KCND2: variants seen among roughly 807,000 people sequenced by gnomAD.
The protein encoded by KCND2 is A-type voltage-gated potassium channel KCND2.
In KCND2, 16 loss-of-function variants were observed where a neutral mutation model predicts 54.4. That is an observed-to-expected ratio of 0.29 (90% CI 0.20 to 0.45). The LOEUF (loss-of-function observed/expected upper bound fraction) is 0.45. KCND2 is among the 20% of genes least tolerant of loss of function. KCND2 has a pLI of 1.00. For synonymous variants in KCND2, 317 were observed against 310.7 expected (o/e 1.02, Z -0.21); for missense variants, 486 against 824.2 (o/e 0.59, Z 5.02).
chr7:120,608,238 T>C lies in KCND2; in HGVS notation c.1116-124665T>C, dbSNP rs79533254. 2.4e-3 allele frequency among the ~76,000 whole-genome samples: 358 copies of C among 152,134 alleles called. 7 individuals are homozygous for C. The East Asian group carries it at 0.04, about 17-fold the overall frequency. ...GACTAGTGATGGCAGGATGAAAAAA[T>C]GAAAGTACTAGACTCCTGATTATTT... On this transcript the variant is annotated intron_variant, in intron 1 of 5. Transcript: ENST00000331113.
At chr7:120,511,961 C>G (rs534288938) in intron 1 of KCND2, among the ~76,000 whole-genome samples, 87 of 152,208 alleles carry the variant, frequency 5.7e-4, no homozygotes, top group African/African-American at 1.9e-3. Context: ...GTTATGCTTC[C>G]TTTTCATTCA....
intron 1 of KCND2, among the ~76,000 whole-genome samples, chr7:120,454,932 A>G (rs765088609): frequency 1.1e-4 from 17 of 152,190 alleles, no homozygotes; most frequent in Admixed American, 1.1e-3. Context: ...TTCCATTTGT[A>G]GTAGCCGCAA....
chr7:120,583,741 C>G (rs1426479765), intron 1 of KCND2, among the ~76,000 whole-genome samples: 12 of 148,638 alleles, frequency 8.1e-5, no homozygotes, highest in Admixed American at 8.1e-4. Context: ...TCCAAATAAT[C>G]ACCTTCTGAG....
intron 1 of KCND2, among the ~76,000 whole-genome samples, chr7:120,678,392 G>GACACATACACACATATATAT (rs201716394): frequency 8.0e-6 from 1 of 124,784 alleles, no homozygotes; most frequent in African/African-American, 3.1e-5. Flanking sequence ...CACATATATA[G>GACACATACACACATATATAT]ACACATACAC....
At chr7:120,509,281 TTAA>T (rs1362402637) in intron 1 of KCND2, among the ~76,000 whole-genome samples, 1 of 151,984 alleles carries the variant, frequency 6.6e-6, no homozygotes, top group Non-Finnish European at 1.5e-5. Context: ...TGGACTTCAG[TTAA>T]TAATAGTCTA....
intron 1 of KCND2, among the ~76,000 whole-genome samples, chr7:120,280,157 G>C (rs1397304596): frequency 6.6e-6 from 1 of 152,002 alleles, no homozygotes; most frequent in Non-Finnish European, 1.5e-5. Context: ...TGACATATTT[G>C]TGTAAAGTTC....
At chr7:120,744,750 T>G (rs1222161805) in intron 4 of KCND2, among the ~76,000 whole-genome samples, 1 of 152,162 alleles carries the variant, frequency 6.6e-6, no homozygotes, top group Non-Finnish European at 1.5e-5. Flanking sequence ...GTTTTACTCA[T>G]ATTTTAGGAT....
intron 1 of KCND2, among the ~76,000 whole-genome samples, chr7:120,516,274 T>C (rs1803195117): frequency 6.6e-6 from 1 of 152,156 alleles, no homozygotes; most frequent in Admixed American, 6.6e-5. Flanking sequence ...TTTTATTATG[T>C]TTATTACAAT....
intron 1 of KCND2, among the ~76,000 whole-genome samples, chr7:120,518,648 C>A (rs868043036): frequency 6.6e-6 from 1 of 152,088 alleles, no homozygotes; most frequent in African/African-American, 2.4e-5. Context: ...TTCATTATAG[C>A]TGCTCTATAG....
chr7:120,323,313 T>C lies in KCND2; in HGVS notation c.1115+47566T>C, dbSNP rs145617797. Among the ~76,000 whole-genome samples the C allele has an allele frequency of 1.2e-3, 178 of 152,202 alleles. 1 individual carries two copies. Among genetic ancestry groups the C allele is most frequent in the East Asian group, 4.4e-3 (23 of 5,170 alleles). ...TTTTATTTATTTATTTTTTTATTAT[T>C]ATACTTTAAGTTTTAGGGTACATGA... On this transcript the variant is annotated intron_variant, in intron 1 of 5. Transcript: ENST00000331113.
chr7:120,351,430 T>C (rs1800404350), intron 1 of KCND2, among the ~76,000 whole-genome samples: 1 of 150,434 alleles, frequency 6.6e-6, no homozygotes, highest in East Asian at 2.0e-4. Flanking sequence ...TCTCTCTCTC[T>C]CTCTCACATT....
chr7:120,650,384 A>T (rs1791714149), intron 1 of KCND2, among the ~76,000 whole-genome samples: 1 of 135,476 alleles, frequency 7.4e-6, no homozygotes, highest in African/African-American at 3.2e-5. Context: ...AATCATTGAT[A>T]CCCTTTCTTT....
At position 120,742,412 on chromosome 7, in the gene KCND2, C is replaced by T. The variant is rs1792953238; in HGVS notation, c.1375-98C>T. Reference sequence around the variant, plus strand: ...TAGTTAGAAAAAAATAAAATGTTGCCAGTTAATAGAGCAGATCTCTCTGTG... The same window carrying T: ...TAGTTAGAAAAAAATAAAATGTTGCTAGTTAATAGAGCAGATCTCTCTGTG... On this transcript the variant is annotated intron_variant, in intron 3 of 5. Transcript: ENST00000331113. 6 of 934,800 alleles carry T rather than the reference C, an allele frequency of 6.4e-6. No homozygotes were observed. In the Admixed American group the frequency reaches 1.0e-4, roughly 16 times the overall value. 57.9% of individuals were successfully genotyped at this position (934,800 alleles called of 1,614,324 possible).
chr7:120,543,018 A>G (rs1179580016), intron 1 of KCND2, among the ~76,000 whole-genome samples: 1 of 152,046 alleles, frequency 6.6e-6, no homozygotes, highest in African/African-American at 2.4e-5. Flanking sequence ...ATATGCACAC[A>G]TACACACAGC....
intron 1 of KCND2, among the ~76,000 whole-genome samples, chr7:120,702,425 C>T (rs749031851): frequency 3.7e-4 from 57 of 152,210 alleles, no homozygotes; most frequent in Non-Finnish European, 6.8e-4. Context: ...GTCAACCCAG[C>T]AATCTCATTA....
chr7:120,608,394 A>T (rs1478748138), intron 1 of KCND2, among the ~76,000 whole-genome samples: 1 of 152,132 alleles, frequency 6.6e-6, no homozygotes, highest in Admixed American at 6.6e-5. Context: ...TTACTCCAGT[A>T]TCCTCATTTT....
At chr7:120,702,776 C>T (rs1216106131) in intron 1 of KCND2, among the ~76,000 whole-genome samples, 1 of 151,938 alleles carries the variant, frequency 6.6e-6, no homozygotes, top group East Asian at 1.9e-4. Context: ...TACAGGGGAC[C>T]ACTGAAAGGT....
At chr7:120,323,202 G>A (rs1799919023) in intron 1 of KCND2, among the ~76,000 whole-genome samples, 1 of 151,972 alleles carries the variant, frequency 6.6e-6, no homozygotes, top group South Asian at 2.1e-4. Context: ...TGTGCCCTGT[G>A]TTCTCATTAT....
At chr7:120,532,906 T>C (rs1215656224) in intron 1 of KCND2, among the ~76,000 whole-genome samples, 1 of 152,158 alleles carries the variant, frequency 6.6e-6, no homozygotes, top group African/African-American at 2.4e-5. Context: ...TCTTATTATA[T>C]TAAAAAGAAT....
Sources: allele counts gnomAD v4.1 joint callset (sites outside exome capture counted in the v4.1 genomes callset), GRCh38; gene constraint gnomAD v4.1.1; transcripts MANE v1.5; gene names NCBI Gene and HGNC (gene_info 2026-07-23, HGNC 2026-07-21).